The following HTR1F variants were observed in gnomAD, a reference collection of about 807,000 sequenced individuals.
HTR1F encodes the protein 5-hydroxytryptamine (serotonin) receptor 1F, G protein-coupled.
In HTR1F, 17 loss-of-function variants were observed where a neutral mutation model predicts 24.0. The observed-to-expected ratio is 0.71, with a 90% CI of 0.48 to 1.06. The LOEUF is 1.06. Among genes scored for constraint, HTR1F ranks in the 50% least tolerant of loss-of-function variants. The probability of loss-of-function intolerance (pLI) is 0.00; values close to 1 mark genes in which losing one functional copy is unlikely to be tolerated. For missense variants in HTR1F, 391 were observed against 427.8 expected (o/e 0.91, Z 0.76); for synonymous variants, 186 against 156.8 (o/e 1.19, Z -1.39).
At chr3:87,864,859 G>A (rs1433090967) in intron 2 of HTR1F, among the ~76,000 whole-genome samples, 3 of 147,098 alleles carry the variant, frequency 2.0e-5, no homozygotes, top group Non-Finnish European at 4.4e-5. Context: ...TTGAGCCACT[G>A]CATTCCAGCC....
intron 2 of HTR1F, among the ~76,000 whole-genome samples, chr3:87,874,062 G>C (rs1705616543): frequency 6.6e-6 from 1 of 151,892 alleles, no homozygotes; most frequent in Admixed American, 6.6e-5. Context: ...GTAAGATTAG[G>C]AACAAGACAA....
chr3:87,882,454 A>G (rs1439562120), intron 2 of HTR1F, among the ~76,000 whole-genome samples: 1 of 152,044 alleles, frequency 6.6e-6, no homozygotes, highest in East Asian at 1.9e-4. Flanking sequence ...CTTGGAACCA[A>G]CCCAAATGTC....
chr3:87,828,417 A>G (rs1704508503), intron 2 of HTR1F, among the ~76,000 whole-genome samples: 1 of 152,246 alleles, frequency 6.6e-6, no homozygotes, highest in African/African-American at 2.4e-5. Flanking sequence ...ATTGTCCACA[A>G]CAACAGGGAA....
intron 2 of HTR1F, among the ~76,000 whole-genome samples, chr3:87,920,146 A>C (rs1576030937): frequency 1.3e-5 from 2 of 151,928 alleles, no homozygotes; most frequent in South Asian, 2.1e-4. Context: ...GAAGTAACTC[A>C]GGAATGGAAA....
rs1705826830 is a variant in HTR1F at position 87,991,420 on chromosome 3, A to T, written c.671A>T (p.Glu224Val). 3 of 1,613,854 alleles carry T rather than the reference A, an allele frequency of 1.9e-6. No homozygotes were observed. The highest frequency in any genetic ancestry group is 2.5e-6 in the Non-Finnish European group (3 of 1,179,938). ...KRQASRIAKE[E>V]VNGQVLLESG... is the part of the protein sequence containing the mutation. ...CAAGCAAGTAGGATTGCAAAGGAGG[A>T]GGTGAATGGCCAAGTCCTTTTGGAG... is the stretch of plus-strand genomic sequence containing the variant. The change falls in exon 3 of 3, where the codon GAG becomes GTG. Residue 224 changes from glutamate (E) to valine (V), a missense_variant. By Grantham distance (121) the Glu-to-Val change is moderately radical. Transcript: ENST00000319595.
chr3:87,886,136 T>A (rs1175546114), intron 2 of HTR1F, among the ~76,000 whole-genome samples: 1 of 152,140 alleles, frequency 6.6e-6, no homozygotes, highest in Non-Finnish European at 1.5e-5. Flanking sequence ...AAAAAGCTCA[T>A]CCACCACGAT....
At chr3:87,974,621 T>G (rs909489400) in intron 2 of HTR1F, among the ~76,000 whole-genome samples, 2 of 152,190 alleles carry the variant, frequency 1.3e-5, no homozygotes, top group African/African-American at 4.8e-5. Context: ...GATTCCTATA[T>G]GTAATAGTGA....
intron 2 of HTR1F, among the ~76,000 whole-genome samples, chr3:87,968,878 C>A (rs1293717732): frequency 1.3e-5 from 2 of 152,322 alleles, no homozygotes; most frequent in East Asian, 3.9e-4. Context: ...CCAAGGGCCC[C>A]CCTGTTGTAT....
At chr3:87,929,757 T>G (rs564929787) in intron 2 of HTR1F, among the ~76,000 whole-genome samples, 1 of 152,190 alleles carries the variant, frequency 6.6e-6, no homozygotes. Context: ...TTGCTCTTTT[T>G]GCTTAGGATT....
intron 2 of HTR1F, among the ~76,000 whole-genome samples, chr3:87,874,617 T>C (rs1415437789): frequency 6.8e-6 from 1 of 146,786 alleles, no homozygotes; most frequent in African/African-American, 2.6e-5. Context: ...TCTCAAAGCA[T>C]TTTTCTGCAA....
chr3:87,944,918 A>G (rs1383363689), intron 2 of HTR1F, among the ~76,000 whole-genome samples: 4 of 152,208 alleles, frequency 2.6e-5, no homozygotes, highest in Non-Finnish European at 1.5e-5. Flanking sequence ...CATTGACAAC[A>G]AGGTAGTATT....
At chr3:87,975,509 G>C (rs1424392821) in intron 2 of HTR1F, among the ~76,000 whole-genome samples, 1 of 152,144 alleles carries the variant, frequency 6.6e-6, no homozygotes, top group Non-Finnish European at 1.5e-5. Context: ...GTGTTAGTAT[G>C]TTAATTATGT....
At chr3:87,923,279 A>T (rs1195058740) in intron 2 of HTR1F, among the ~76,000 whole-genome samples, 2 of 151,768 alleles carry the variant, frequency 1.3e-5, no homozygotes, top group Non-Finnish European at 2.9e-5. Flanking sequence ...ATTTTAGAAT[A>T]TTTTTTTATT....
chr3:87,834,297 TTATG>T (rs1218409683), intron 2 of HTR1F, among the ~76,000 whole-genome samples: 2 of 152,300 alleles, frequency 1.3e-5, no homozygotes, highest in Non-Finnish European at 1.5e-5. Flanking sequence ...ATGTGTATGT[TTATG>T]TATGTGTGTA....
At chr3:87,932,370 T>C (rs1704299671) in intron 2 of HTR1F, among the ~76,000 whole-genome samples, 1 of 152,130 alleles carries the variant, frequency 6.6e-6, no homozygotes, top group South Asian at 2.1e-4. Flanking sequence ...TGCAGCGTTA[T>C]TTCTGAGGGA....
intron 2 of HTR1F, among the ~76,000 whole-genome samples, chr3:87,845,343 C>T (rs1704915773): frequency 6.6e-6 from 1 of 151,674 alleles, no homozygotes; most frequent in African/African-American, 2.4e-5. Flanking sequence ...CCCATAGTCT[C>T]AGCCCAAAAT....
intron 1 of HTR1F, among the ~76,000 whole-genome samples, chr3:87,801,624 G>A (rs931269527): frequency 1.3e-5 from 2 of 152,142 alleles, no homozygotes; most frequent in Non-Finnish European, 2.9e-5. Flanking sequence ...TCACAGATAG[G>A]TGAGACACAC....
intron 2 of HTR1F, among the ~76,000 whole-genome samples, chr3:87,942,300 C>T (rs1191897119): frequency 6.6e-6 from 1 of 152,066 alleles, no homozygotes; most frequent in South Asian, 2.1e-4. Context: ...ACTGGCTGTC[C>T]TAGGACCCCT....
chr3:87,960,599 A>G (rs1326350502), intron 2 of HTR1F, among the ~76,000 whole-genome samples: 1 of 152,040 alleles, frequency 6.6e-6, no homozygotes, highest in African/African-American at 2.4e-5. Context: ...TCATCTACAT[A>G]AGGCTATATT....
Sources: gnomAD v4.1 joint callset for allele counts (sites outside exome capture counted in the v4.1 genomes callset) on GRCh38, gnomAD v4.1.1 for gene constraint, MANE v1.5 for transcripts, NCBI Gene and HGNC (gene_info 2026-07-23, HGNC 2026-07-21) for gene names.